The following PDCD2 variants were observed in gnomAD, a reference collection of about 807,000 sequenced individuals.
PDCD2 encodes uS5 assembly chaperone PDCD2.
In PDCD2, 38 loss-of-function variants were observed where a neutral mutation model predicts 38.1. That is an observed-to-expected ratio of 1.00 (90% CI 0.77 to 1.31). The LOEUF (loss-of-function observed/expected upper bound fraction) is 1.31. PDCD2 is among the 50% of genes most tolerant of loss of function. The pLI, the probability that PDCD2 is intolerant of heterozygous loss-of-function variation, is 0.00. For synonymous variants in PDCD2, 205 were observed against 168.9 expected (o/e 1.21, Z -1.66); for missense variants, 473 against 435.7 (o/e 1.09, Z -0.76).
chr6:170,584,515 G>A lies in PDCD2; in HGVS notation c.67C>T (p.Arg23Cys). ...ACCTTGCTGGGGAACTGCTCGCTGC[G>A]CAGTCGCCACGCCGGCGCCGACTCG... Reference protein sequence around the residue: ...FAESAPAWRLRSEQFPSKVGG... With the variant: ...FAESAPAWRLCSEQFPSKVGG... Residue 23 changes from arginine (R) to cysteine (C), a missense_variant, in exon 1 of 6, where the codon CGC becomes TGC. Coordinates refer to ENST00000541970, the MANE Select transcript of PDCD2 (RefSeq NM_002598.4). 7.3e-7 allele frequency: 1 copy of A among 1,366,424 alleles called. No individual in the cohort carries two copies. The highest frequency in any genetic ancestry group is 1.5e-5 in the African/African-American group (1 of 65,988). 84.6% of individuals were successfully genotyped at this position (1,366,424 alleles called of 1,614,324 possible). A position where few individuals can be genotyped will look rare whatever the true frequency, so the allele number is the denominator to read the frequency against.
At chr6:170,584,033 A>G in intron 1 of PDCD2, 1 of 541,724 alleles carries the variant, frequency 1.8e-6, no homozygotes, top group Non-Finnish European at 3.2e-6. Flanking sequence ...GACAATTTCT[A>G]TTATCTGAAT....
At chr6:170,578,357 C>A (rs1044102931) in intron 5 of PDCD2, 8 of 445,856 alleles carry the variant, frequency 1.8e-5, no homozygotes, top group Non-Finnish European at 3.2e-5. Context: ...CATTTCCACC[C>A]TACCCAAATG....
At position 170,577,418 on chromosome 6, in the gene PDCD2, A is replaced by G. The variant is rs1447125306; in HGVS notation, c.*141T>C. ...GTCACTGGACACTTTTGTTTCACTA[A>G]TAAGTAGACACTGTGTAAGCAATCT... On this transcript the variant is annotated 3_prime_UTR_variant, in exon 6 of 6. Coordinates refer to ENST00000541970, the MANE Select transcript of PDCD2 (RefSeq NM_002598.4). 2 of 699,132 alleles carry G rather than the reference A, an allele frequency of 2.9e-6. No individual in the cohort carries two copies. Among genetic ancestry groups the G allele is most frequent in the African/African-American group, 1.8e-5 (1 of 55,836 alleles). The allele number at this position is 699,132 out of a possible 1,614,324, so 43.3% of individuals were successfully genotyped here.
intron 3 of PDCD2, chr6:170,582,247 G>A (rs1477212342): frequency 4.1e-6 from 6 of 1,451,308 alleles, no homozygotes; most frequent in Middle Eastern, 1.7e-4. Context: ...CCACTGGAGT[G>A]TTGCTTCCCA....
intron 3 of PDCD2, among the ~76,000 whole-genome samples, 158 bp from the exon 4 acceptor site, chr6:170,580,263 C>CT (rs1334964305): frequency 3.3e-5 from 5 of 152,208 alleles, no homozygotes; most frequent in Non-Finnish European, 7.3e-5. Context: ...CCATCCAACT[C>CT]TATTATATGG....
At chr6:170,579,853 G>A in intron 4 of PDCD2, 149 bp downstream of exon 4, 1 of 589,124 alleles carries the variant, frequency 1.7e-6, no homozygotes, top group African/African-American at 1.9e-5. Context: ...CCATCTGTGT[G>A]AGGAACTCCT....
chr6:170,580,066 T>C lies in PDCD2; in HGVS notation c.698A>G (p.His233Arg), dbSNP rs1345526917. 1.2e-5 allele frequency: 19 copies of C among 1,612,216 alleles called. No individual in the cohort carries two copies. Among genetic ancestry groups the C allele is most frequent in the East Asian group, 2.2e-5 (1 of 44,860 alleles). ...AAAAATTTTATCTTCCCTGGATTCATGTTTTGCCATGGAATCCAGTTCTTC... is the reference window on the plus strand; with the variant it reads ...AAAAATTTTATCTTCCCTGGATTCACGTTTTGCCATGGAATCCAGTTCTTC... ...LEEELDSMAKHESREDKIFQK... is the reference protein window; with the variant it reads ...LEEELDSMAKRESREDKIFQK... Residue 233 changes from histidine to arginine, a missense_variant, in exon 4 of 6, where the codon CAT becomes CGT. Transcript: ENST00000541970.
rs1268475832 is a variant in PDCD2 at position 170,583,846 on chromosome 6, AGAAAT to A, written c.284-104_284-100del. The A allele has an allele frequency of 5.0e-5, 48 of 952,942 alleles. No homozygotes were observed. The Admixed American group carries it at 1.2e-3, about 23-fold the overall frequency. The allele number at this position is 952,942 out of a possible 1,614,324, so 59.0% of individuals were successfully genotyped here. A position where few individuals can be genotyped will look rare whatever the true frequency, so the allele number is the denominator to read the frequency against. On this transcript the variant is annotated intron_variant, in intron 1 of 5. Coordinates refer to ENST00000541970, the MANE Select transcript of PDCD2 (RefSeq NM_002598.4). ...AAACTGAAAATAACAACAACAAAAA[AGAAAT>A]GAAAGTTTTTGCTTTCAGGAATAAG...
At position 170,578,858 on chromosome 6, in the gene PDCD2, T is replaced by C. The variant is rs1779518670; in HGVS notation, c.875A>G (p.Gln292Arg). 4.5e-6 allele frequency: 7 copies of C among 1,564,508 alleles called. No individual in the cohort carries two copies. Among genetic ancestry groups the C allele is most frequent in the Non-Finnish European group, 6.2e-6 (7 of 1,135,528 alleles). Residue 292 changes from glutamine to arginine, a missense_variant and splice_region_variant, in exon 5 of 6, where the codon CAG becomes CGG. Coordinates refer to ENST00000541970, the MANE Select transcript of PDCD2 (RefSeq NM_002598.4). Reference sequence around the variant, plus strand: ...AATGGTCCTTATTTAAGGTCATACCTGGAATTCCAATATTCTCTTGGCACC... The same window carrying C: ...AATGGTCCTTATTTAAGGTCATACCCGGAATTCCAATATTCTCTTGGCACC... ...PCGAKRILEF[Q>R]VMPQLLNYLK...
At chr6:170,577,741 TAGAA>T (rs1562366087) in intron 5 of PDCD2, 24 bp from the exon 6 acceptor site, 4 of 1,610,062 alleles carry the variant, frequency 2.5e-6, no homozygotes, top group Non-Finnish European at 3.4e-6. Flanking sequence ...GACACACAGT[TAGAA>T]AGCTGCTTCA....
chr6:170,582,939 T>C, intron 3 of PDCD2, 118 bp downstream of exon 3: 2 of 1,500,780 alleles, frequency 1.3e-6, no homozygotes, highest in Non-Finnish European at 1.8e-6. Context: ...CTGAAAATTG[T>C]ATGCTACAGC....
intron 5 of PDCD2, chr6:170,578,620 T>C (rs768553602): frequency 1.7e-5 from 12 of 701,868 alleles, no homozygotes; most frequent in Non-Finnish European, 2.6e-5. Context: ...GATATCCTCA[T>C]TGTCACAGAA....
intron 5 of PDCD2, chr6:170,578,437 C>T (rs1779504517): frequency 1.8e-6 from 1 of 563,928 alleles, no homozygotes; most frequent in African/African-American, 1.9e-5. Context: ...TCCATTTTTT[C>T]TAACAAATCC....
Position 170,584,145 on chromosome 6 carries a change from G to C in PDCD2, c.283+154C>G. The C allele has an allele frequency of 2.5e-6, 2 of 809,598 alleles. 1 individual carries two copies. Among genetic ancestry groups the C allele is most frequent in the South Asian group, 6.4e-5 (2 of 31,094 alleles). 50.2% of individuals were successfully genotyped at this position (809,598 alleles called of 1,614,324 possible). A position where few individuals can be genotyped will look rare whatever the true frequency, so the allele number is the denominator to read the frequency against. The stretch of plus-strand genomic sequence containing the variant: ...GCAAAAATGAGCACATCCTGGAAGG[G>C]CCCGGGAGAAGGTGCTCCTGGGGCA... On this transcript the variant is annotated intron_variant, in intron 1 of 5. Transcript: ENST00000541970.
In PDCD2 at chr6:170,583,512, T is replaced by C; in HGVS notation, c.519A>G (p.Ala173=). The change falls in exon 2 of 6, where the codon GCA becomes GCG. Residue 173 remains alanine, a synonymous_variant. Transcript: ENST00000541970. ...AAAAAAAAGATTACCCACCTGGTTGTGCACAAGCCTGCTTATGTCCCAATC... is the reference window on the plus strand; with the variant it reads ...AAAAAAAAGATTACCCACCTGGTTGCGCACAAGCCTGCTTATGTCCCAATC... ...DWRLGHKQAC[A]QPDHLDHIIP... 1 of 1,606,120 alleles carries C rather than the reference T, an allele frequency of 6.2e-7. No homozygotes were observed. The highest frequency in any genetic ancestry group is 8.5e-7 in the Non-Finnish European group (1 of 1,173,856).
chr6:170,582,069 TATC>T, intron 3 of PDCD2: 2 of 1,488,000 alleles, frequency 1.3e-6, no homozygotes, highest in Non-Finnish European at 1.8e-6. Flanking sequence ...TTTCATTATG[TATC>T]ATGTTTATCG....
At chr6:170,582,695 G>A (rs1451943257) in intron 3 of PDCD2, 3 of 1,210,922 alleles carry the variant, frequency 2.5e-6, no homozygotes, top group East Asian at 9.4e-5. Context: ...CCAGATGAAA[G>A]AGAAACTTTT....
chr6:170,580,061 A>G lies in PDCD2; in HGVS notation c.703T>C (p.Ser235Pro). The change falls in exon 4 of 6, where the codon TCC becomes CCC. Residue 235 changes from serine to proline, a missense_variant. By Grantham distance (74) the Ser-to-Pro change is moderately conservative. Coordinates refer to ENST00000541970, the MANE Select transcript of PDCD2 (RefSeq NM_002598.4). ...EELDSMAKHESREDKIFQKFK... is the reference protein window; with the variant it reads ...EELDSMAKHEPREDKIFQKFK... The stretch of plus-strand genomic sequence containing the variant: ...TTCTGAAAAATTTTATCTTCCCTGG[A>G]TTCATGTTTTGCCATGGAATCCAGT... 1 of 1,612,572 alleles carries G rather than the reference A, an allele frequency of 6.2e-7. No individual in the cohort carries two copies. The highest frequency in any genetic ancestry group is 2.2e-5 in the East Asian group (1 of 44,862).
Position 170,577,708 on chromosome 6 carries a change from G to A in PDCD2, c.886C>T (p.Gln296Ter). Reference protein sequence around the residue: ...KRILEFQVMPQLLNYLKADRL... With the variant: ...KRILEFQVMP ...TCAGCCTTCAGGTAGTTTAGGAGCTGAGGCATGACCTGAGAAGAGGGTGAC... is the reference window on the plus strand; with the variant it reads ...TCAGCCTTCAGGTAGTTTAGGAGCTAAGGCATGACCTGAGAAGAGGGTGAC... The change falls in exon 6 of 6, where the codon CAG (glutamine) becomes TAG (stop). Residue 296 changes from glutamine (Q) to a stop codon, truncating the protein, a stop_gained. Transcript: ENST00000541970. LOFTEE classifies it high-confidence loss of function. The A allele has an allele frequency of 1.2e-6, 2 of 1,612,630 alleles. No individual in the cohort carries two copies. The highest frequency in any genetic ancestry group is 1.3e-5 in the African/African-American group (1 of 75,004).
Sources: allele counts gnomAD v4.1 joint callset (sites outside exome capture counted in the v4.1 genomes callset), GRCh38; gene constraint gnomAD v4.1.1; transcripts MANE v1.5; gene names NCBI Gene and HGNC (gene_info 2026-07-23, HGNC 2026-07-21).